RFX3: variants seen among roughly 807,000 people sequenced by gnomAD.
RFX3 encodes the protein regulatory factor X3, also known as transcription factor RFX3.
A neutral mutation model predicts 98.6 loss-of-function variants in RFX3; 14 were observed. The ratio of observed to expected loss-of-function variants is 0.14; its 90% CI spans 0.09 to 0.22. The LOEUF (loss-of-function observed/expected upper bound fraction) is 0.22. Among genes scored for constraint, RFX3 ranks in the 10% least tolerant of loss-of-function variants. RFX3 has a pLI of 1.00. For missense variants in RFX3, 639 were observed against 926.9 expected (o/e 0.69, Z 4.03); for synonymous variants, 383 against 328.4 (o/e 1.17, Z -1.80).
chr9:3,279,418 AC>A (rs1225839338), intron 7 of RFX3, among the ~76,000 whole-genome samples: 1 of 151,818 alleles, frequency 6.6e-6, no homozygotes, highest in African/African-American at 2.4e-5. Flanking sequence ...ATTAATATTT[AC>A]CCTGGAGGAG....
intron 1 of RFX3, among the ~76,000 whole-genome samples, chr9:3,502,630 A>T (rs1816152887): frequency 6.6e-6 from 1 of 152,204 alleles, no homozygotes; most frequent in Non-Finnish European, 1.5e-5. Flanking sequence ...ATCTAACATC[A>T]GACATATGAC....
rs988842855 is a variant in RFX3, at chr9:3,339,033, G to T, written c.215+7634C>A. Among the ~76,000 whole-genome samples, 30 of 152,042 alleles carry T rather than the reference G, an allele frequency of 2.0e-4. 2 individuals carry two copies. Among genetic ancestry groups the T allele is most frequent in the Admixed American group, 2.0e-3 (30 of 15,284 alleles). ...GAACCTGGAAGGCAGAGGTTGCAGT[G>T]AGCCGAGATCGCACCACTGCACTCC... On this transcript the variant is annotated intron_variant, in intron 3 of 16. Transcript: ENST00000617270.
intron 1 of RFX3, among the ~76,000 whole-genome samples, chr9:3,399,304 C>T (rs2131998975): frequency 6.7e-6 from 1 of 149,752 alleles, no homozygotes; most frequent in East Asian, 2.0e-4. Context: ...ATCAGCTGGT[C>T]ATGGTGGTGG....
rs1029103264 is a variant in RFX3 at position 3,395,608 on chromosome 9, T to G, written c.-8-12A>C. ...CTGCATGATGGTCTCTGAAATAGATTAAAATGAAATTAAAGTTTAAAATGT... is the reference window on the plus strand; with the variant it reads ...CTGCATGATGGTCTCTGAAATAGATGAAAATGAAATTAAAGTTTAAAATGT... On this transcript the variant is annotated splice_polypyrimidine_tract_variant and intron_variant, in intron 1 of 16. Transcript: ENST00000617270. 5 of 1,610,910 alleles carry G rather than the reference T, an allele frequency of 3.1e-6. No individual in the cohort carries two copies. The highest frequency in any genetic ancestry group is 3.3e-5 in the Admixed American group (2 of 59,880).
intron 15 of RFX3, among the ~76,000 whole-genome samples, chr9:3,243,933 G>T (rs1310807281): frequency 2.0e-5 from 3 of 152,110 alleles, no homozygotes; most frequent in Non-Finnish European, 4.4e-5. Context: ...TCACAATTTA[G>T]TGGTTGTGTG....
chr9:3,400,449 T>C (rs925494167), intron 1 of RFX3, among the ~76,000 whole-genome samples: 5 of 152,184 alleles, frequency 3.3e-5, no homozygotes, highest in African/African-American at 1.2e-4. Flanking sequence ...AAGTATCCCA[T>C]CAAGTATCAA....
At chr9:3,480,100 C>T (rs1849612296) in intron 1 of RFX3, among the ~76,000 whole-genome samples, 1 of 152,132 alleles carries the variant, frequency 6.6e-6, no homozygotes, top group Non-Finnish European at 1.5e-5. Flanking sequence ...AACAAACCAC[C>T]CCAAAACTTA....
At chr9:3,261,907 T>G (rs1235494143) in intron 13 of RFX3, among the ~76,000 whole-genome samples, 1 of 152,204 alleles carries the variant, frequency 6.6e-6, no homozygotes, top group Non-Finnish European at 1.5e-5. Context: ...CTAATGACAT[T>G]AAGCATCTTT....
At chr9:3,267,524 A>G (rs1027771281) in intron 11 of RFX3, among the ~76,000 whole-genome samples, 1 of 151,898 alleles carries the variant, frequency 6.6e-6, no homozygotes, top group African/African-American at 2.4e-5. Flanking sequence ...AATAAAGACA[A>G]CTAAATGTGT....
intron 2 of RFX3, among the ~76,000 whole-genome samples, chr9:3,358,383 C>T (rs1022313741): frequency 5.9e-5 from 9 of 151,878 alleles, no homozygotes; most frequent in Non-Finnish European, 1.3e-4. Flanking sequence ...ATCAAGGGTC[C>T]CTTAAAATCA....
At chr9:3,330,574 T>C in intron 3 of RFX3, 57 bp from the exon 4 acceptor site, 1 of 1,481,024 alleles carries the variant, frequency 6.8e-7, no homozygotes, top group Non-Finnish European at 9.2e-7. Flanking sequence ...TCTTATTAAT[T>C]TTTTTCTAAT....
intron 2 of RFX3, among the ~76,000 whole-genome samples, chr9:3,390,450 G>A (rs577202477): frequency 6.2e-4 from 95 of 152,210 alleles, no homozygotes; most frequent in Non-Finnish European, 1.1e-3. Context: ...ATAATGATAC[G>A]GACTATGAAA....
chr9:3,303,660 G>T (rs1295267204), intron 4 of RFX3, among the ~76,000 whole-genome samples: 2 of 149,974 alleles, frequency 1.3e-5, no homozygotes, highest in Non-Finnish European at 3.0e-5. Context: ...AAAAAAAAAA[G>T]TCAGAGATCT....
chr9:3,505,603 C>T (rs1187772802), intron 1 of RFX3, among the ~76,000 whole-genome samples: 1 of 149,600 alleles, frequency 6.7e-6, no homozygotes, highest in African/African-American at 2.5e-5. Flanking sequence ...ACAGGAAGGC[C>T]AGCAGCTACC....
At chr9:3,305,520 G>C (rs1221374095) in intron 4 of RFX3, among the ~76,000 whole-genome samples, 1 of 151,990 alleles carries the variant, frequency 6.6e-6, no homozygotes, top group Non-Finnish European at 1.5e-5. Context: ...ACAACGGTGG[G>C]AAAGTGAGGG....
chr9:3,381,775 C>A (rs919456152), intron 2 of RFX3, among the ~76,000 whole-genome samples: 1 of 151,932 alleles, frequency 6.6e-6, no homozygotes, highest in African/African-American at 2.4e-5. Flanking sequence ...CCCAGAAACA[C>A]CAAATAATAA....
intron 2 of RFX3, among the ~76,000 whole-genome samples, chr9:3,355,901 T>C (rs1048081236): frequency 1.3e-5 from 2 of 151,942 alleles, no homozygotes; most frequent in South Asian, 2.1e-4. Flanking sequence ...GTCCAACATA[T>C]TTGTAAAACG....
chr9:3,499,217 G>C (rs912074229), intron 1 of RFX3, among the ~76,000 whole-genome samples: 2 of 151,966 alleles, frequency 1.3e-5, no homozygotes, highest in Non-Finnish European at 2.9e-5. Context: ...TAAATGAACT[G>C]AGCAAGTTTT....
At chr9:3,513,632 A>C (rs1817855281) in intron 1 of RFX3, among the ~76,000 whole-genome samples, 1 of 152,214 alleles carries the variant, frequency 6.6e-6, no homozygotes, top group South Asian at 2.1e-4. Context: ...TTTACTTCAA[A>C]GTTTATCACG....
Sources: gnomAD v4.1 joint callset for allele counts (sites outside exome capture counted in the v4.1 genomes callset) on GRCh38, gnomAD v4.1.1 for gene constraint, MANE v1.5 for transcripts, NCBI Gene and HGNC (gene_info 2026-07-23, HGNC 2026-07-21) for gene names.